KCTD1: variants seen among roughly 807,000 people sequenced by gnomAD.
The protein encoded by KCTD1 is BTB/POZ domain-containing protein KCTD1.
In KCTD1, 24 loss-of-function variants were observed where a neutral mutation model predicts 66.0. The ratio of observed to expected loss-of-function variants is 0.36; its 90% CI spans 0.26 to 0.51. The LOEUF (loss-of-function observed/expected upper bound fraction) is 0.51. Ranked by LOEUF, KCTD1 falls within the 20% of genes least tolerant of loss-of-function variation. The probability of loss-of-function intolerance (pLI) is 0.95; values close to 1 mark genes in which losing one functional copy is unlikely to be tolerated. For synonymous variants in KCTD1, 511 were observed against 517.2 expected, an observed-to-expected ratio of 0.99 and a Z score of 0.16; for missense variants, 943 against 1,205.2, an observed-to-expected ratio of 0.78 and a Z score of 3.22.
intron 1 of KCTD1, among the ~76,000 whole-genome samples, chr18:26,535,709 C>T (rs1225404732): frequency 6.6e-6 from 1 of 152,062 alleles, no homozygotes; most frequent in Non-Finnish European, 1.5e-5. Flanking sequence ...CCTAACTATA[C>T]CATGTTTATA....
At chr18:26,638,784 C>A (rs532323260) in intron 1 of KCTD1, among the ~76,000 whole-genome samples, 33 of 152,352 alleles carry the variant, frequency 2.2e-4, no homozygotes, top group African/African-American at 7.0e-4. Flanking sequence ...TCTTTCCTGA[C>A]TTTCTGACCT....
chr18:26,567,668 A>G (rs1986015149), intron 1 of KCTD1, among the ~76,000 whole-genome samples: 1 of 151,810 alleles, frequency 6.6e-6, no homozygotes, highest in African/African-American at 2.4e-5. Flanking sequence ...TTGTATTTTT[A>G]GTAGAGACGA....
At chr18:26,516,388 G>A (rs983381132) in intron 1 of KCTD1, among the ~76,000 whole-genome samples, 34 of 152,158 alleles carry the variant, frequency 2.2e-4, no homozygotes, top group African/African-American at 8.0e-4. Context: ...AGAGAAGTTT[G>A]GAAGAAAAGT....
At chr18:26,613,293 T>G (rs1197127966) in intron 1 of KCTD1, among the ~76,000 whole-genome samples, 1 of 152,188 alleles carries the variant, frequency 6.6e-6, no homozygotes, top group Non-Finnish European at 1.5e-5. Flanking sequence ...TTCAAAGAAG[T>G]GACACTCTGA....
chr18:26,624,654 G>C (rs1407384329), intron 1 of KCTD1, among the ~76,000 whole-genome samples: 3 of 152,250 alleles, frequency 2.0e-5, no homozygotes, highest in Non-Finnish European at 4.4e-5. Flanking sequence ...TGCAGTGGCG[G>C]AGCCTTCATG....
At chr18:26,529,618 A>G (rs1002294762) in intron 1 of KCTD1, among the ~76,000 whole-genome samples, 5 of 152,252 alleles carry the variant, frequency 3.3e-5, no homozygotes, top group Non-Finnish European at 4.4e-5. Flanking sequence ...GTGCCAAGAA[A>G]GAAAAACAGG....
chr18:26,520,788 T>C (rs1224894909), intron 1 of KCTD1, among the ~76,000 whole-genome samples: 3 of 152,238 alleles, frequency 2.0e-5, no homozygotes, highest in East Asian at 3.9e-4. Context: ...CTGGAGATAC[T>C]GAGATAGTAA....
At chr18:26,630,566 C>T (rs1476868267), upstream of KCTD1, among the ~76,000 whole-genome samples, 2 of 152,076 alleles carry the variant, frequency 1.3e-5, no homozygotes, top group African/African-American at 4.8e-5. Flanking sequence ...ATTTGAGAGG[C>T]CAAGGTGATC....
intron 1 of KCTD1, among the ~76,000 whole-genome samples, chr18:26,518,336 T>C (rs113966820): frequency 0.013 from 1,992 of 152,212 alleles, 50 homozygotes; most frequent in African/African-American, 0.045. Context: ...TCTCACTCTG[T>C]TGCCCAGGCT....
At chr18:26,559,881 C>T (rs971576956) in intron 1 of KCTD1, among the ~76,000 whole-genome samples, 1 of 152,180 alleles carries the variant, frequency 6.6e-6, no homozygotes, top group East Asian at 1.9e-4. Flanking sequence ...TGCTGCAGGA[C>T]GCAATGGCCA....
At chr18:26,626,835 T>A (rs1296910007) in intron 1 of KCTD1, among the ~76,000 whole-genome samples, 3 of 152,104 alleles carry the variant, frequency 2.0e-5, no homozygotes, top group Non-Finnish European at 4.4e-5. Flanking sequence ...GAAGAAGATT[T>A]CAGGCAAAGG....
chr18:26,593,262 G>T (rs1455640836), intron 1 of KCTD1, among the ~76,000 whole-genome samples: 1 of 150,954 alleles, frequency 6.6e-6, no homozygotes, highest in Non-Finnish European at 1.5e-5. Context: ...TCTCATAAGG[G>T]AGGAGGAGGA....
intron 1 of KCTD1, chr18:26,657,347 C>G (rs1988180288): frequency 1.0e-6 from 1 of 985,358 alleles, no homozygotes; most frequent in Non-Finnish European, 1.2e-6. Flanking sequence ...AAACCCAAAC[C>G]GTCAGATCTT....
upstream of KCTD1, among the ~76,000 whole-genome samples, chr18:26,640,874 A>G (rs1332209351): frequency 6.6e-6 from 1 of 152,142 alleles, no homozygotes; most frequent in Non-Finnish European, 1.5e-5. Context: ...AAGAGGAGGC[A>G]TCTGCGGAGG....
At chr18:26,616,142 T>TC (rs1491348838) in intron 1 of KCTD1, among the ~76,000 whole-genome samples, 1 of 11,252 alleles carries the variant, frequency 8.9e-5, no homozygotes, top group East Asian at 6.0e-3. Flanking sequence ...TAAGTGTTTC[T>TC]TTTTTTTTTT....
At position 26,459,605 on chromosome 18, in the gene KCTD1, G is replaced by T. The variant is rs773521144; in HGVS notation, c.2439+15C>A. ...AGTGGCATTTGATGCCACACAGTGC[G>T]TAACAATGCTATACCTGGACTGAGT... On this transcript the variant is annotated intron_variant, in intron 4 of 4. Coordinates refer to ENST00000580059, the MANE Select transcript of KCTD1 (RefSeq NM_001142730.3). 3.8e-6 allele frequency: 6 copies of T among 1,569,700 alleles called. No individual in the cohort carries two copies. Among genetic ancestry groups the T allele is most frequent in the Non-Finnish European group, 5.2e-6 (6 of 1,153,894 alleles).
At chr18:26,518,830 A>T (rs1350477747) in intron 1 of KCTD1, among the ~76,000 whole-genome samples, 1 of 152,210 alleles carries the variant, frequency 6.6e-6, no homozygotes, top group Admixed American at 6.5e-5. Context: ...GGCATGAGCT[A>T]CTGCACCAGC....
chr18:26,459,519 G>C, intron 4 of KCTD1, 101 bp downstream of exon 4: 1 of 1,154,126 alleles, frequency 8.7e-7, no homozygotes. Context: ...CACTGAGTGA[G>C]TTTCTAAGCT....
chr18:26,496,581 T>C (rs1405375407), intron 2 of KCTD1, among the ~76,000 whole-genome samples: 1 of 152,132 alleles, frequency 6.6e-6, no homozygotes, highest in East Asian at 1.9e-4. Flanking sequence ...TACTGATATA[T>C]GTAATACTTC....
Sources: allele counts gnomAD v4.1 joint callset (sites outside exome capture counted in the v4.1 genomes callset), GRCh38; gene constraint gnomAD v4.1.1; transcripts MANE v1.5; gene names NCBI Gene and HGNC (gene_info 2026-07-23, HGNC 2026-07-21).